The following ALK variants were observed in gnomAD, a reference collection of about 807,000 sequenced individuals.
ALK encodes the protein ALK receptor tyrosine kinase.
A neutral mutation model predicts 163.1 loss-of-function variants in ALK; 74 were observed. The ratio of observed to expected loss-of-function variants is 0.45; its 90% confidence interval spans 0.38 to 0.55. ALK has a LOEUF of 0.55. Among genes scored for constraint, ALK ranks in the 20% least tolerant of loss-of-function variants. The probability of loss-of-function intolerance (pLI) is 0.00; values close to 1 mark genes in which losing one functional copy is unlikely to be tolerated. For synonymous variants in ALK, 960 were observed against 843.2 expected, an observed-to-expected ratio of 1.14 and a Z score of -2.40; for missense variants, 2,063 against 2,105.3, an observed-to-expected ratio of 0.98 and a Z score of 0.39.
At chr2:29,891,329 A>C (rs1326491504) in intron 1 of ALK, among the ~76,000 whole-genome samples, 1 of 152,212 alleles carries the variant, frequency 6.6e-6, no homozygotes, top group Non-Finnish European at 1.5e-5. Context: ...AAGAGGTGAG[A>C]GTAGGAGAAA....
At chr2:29,531,422 A>G (rs1053163549) in intron 4 of ALK, among the ~76,000 whole-genome samples, 1 of 152,036 alleles carries the variant, frequency 6.6e-6, no homozygotes, top group Non-Finnish European at 1.5e-5. Context: ...CTCTGTTCCA[A>G]TCTCTACTGA....
intron 1 of ALK, among the ~76,000 whole-genome samples, chr2:29,807,334 C>T (rs1055929470): frequency 2.6e-5 from 4 of 152,292 alleles, no homozygotes; most frequent in African/African-American, 4.8e-5. Flanking sequence ...ATAACCATAG[C>T]GGTGTGAGTC....
intron 3 of ALK, among the ~76,000 whole-genome samples, chr2:29,630,142 A>G (rs992962519): frequency 1.3e-5 from 2 of 152,158 alleles, no homozygotes; most frequent in African/African-American, 4.8e-5. Flanking sequence ...TGGAATAAGC[A>G]CGGAGGAGGT....
chr2:29,905,008 C>T (rs1309198294), intron 1 of ALK, among the ~76,000 whole-genome samples: 1 of 152,178 alleles, frequency 6.6e-6, no homozygotes, highest in Non-Finnish European at 1.5e-5. Flanking sequence ...ATAAATGATA[C>T]ACATACACAT....
chr2:29,276,719 G>A (rs915223713), intron 9 of ALK, among the ~76,000 whole-genome samples: 2 of 152,200 alleles, frequency 1.3e-5, no homozygotes, highest in African/African-American at 4.8e-5. Flanking sequence ...AGTTAAAGAA[G>A]CCAGACAGTA....
intron 4 of ALK, among the ~76,000 whole-genome samples, chr2:29,466,743 A>G (rs1671223308): frequency 6.6e-6 from 1 of 152,248 alleles, no homozygotes; most frequent in Non-Finnish European, 1.5e-5. Flanking sequence ...TGAGGTAGAA[A>G]AAAGCTGAAG....
At chr2:29,601,690 G>A (rs1341750001) in intron 3 of ALK, among the ~76,000 whole-genome samples, 1 of 152,082 alleles carries the variant, frequency 6.6e-6, no homozygotes, top group Non-Finnish European at 1.5e-5. Flanking sequence ...AACAAAAGCA[G>A]GCAGGAAAGT....
At chr2:29,508,497 G>A (rs1304228264) in intron 4 of ALK, among the ~76,000 whole-genome samples, 1 of 152,000 alleles carries the variant, frequency 6.6e-6, no homozygotes, top group Non-Finnish European at 1.5e-5. Context: ...ATTGAACAAT[G>A]AGAACACATG....
At chr2:29,467,440 C>T (rs984028517) in intron 4 of ALK, among the ~76,000 whole-genome samples, 2 of 152,200 alleles carry the variant, frequency 1.3e-5, no homozygotes, top group Non-Finnish European at 1.5e-5. Context: ...TTTTCAGTTA[C>T]ATAAGCCAAT....
At chr2:29,340,278 T>C (rs1323463732) in intron 5 of ALK, among the ~76,000 whole-genome samples, 2 of 152,206 alleles carry the variant, frequency 1.3e-5, no homozygotes, top group Non-Finnish European at 2.9e-5. Flanking sequence ...AAACAAATTA[T>C]AGCTACTACT....
intron 3 of ALK, among the ~76,000 whole-genome samples, chr2:29,650,804 C>T (rs753165395): frequency 1.3e-5 from 2 of 152,068 alleles, no homozygotes; most frequent in South Asian, 2.1e-4. Context: ...AAAGTGTGTG[C>T]CCCCTCCCCT....
At chr2:29,456,066 A>G (rs1257407440) in intron 4 of ALK, among the ~76,000 whole-genome samples, 1 of 152,182 alleles carries the variant, frequency 6.6e-6, no homozygotes, top group African/African-American at 2.4e-5. Context: ...AAATAATGAG[A>G]GTAGTGAGTG....
At chr2:29,650,980 G>A (rs1677021012) in intron 3 of ALK, among the ~76,000 whole-genome samples, 1 of 152,152 alleles carries the variant, frequency 6.6e-6, no homozygotes, top group Admixed American at 6.5e-5. Context: ...AGAATGCAGA[G>A]TCTGCTAGTC....
chr2:29,411,000 C>T (rs1332136347), intron 4 of ALK, among the ~76,000 whole-genome samples: 1 of 152,230 alleles, frequency 6.6e-6, no homozygotes, highest in Non-Finnish European at 1.5e-5. Context: ...TAGCTTAAAA[C>T]ATAAATACGT....
intron 9 of ALK, among the ~76,000 whole-genome samples, chr2:29,294,286 G>C (rs1666119217): frequency 1.3e-5 from 2 of 152,108 alleles, no homozygotes; most frequent in Non-Finnish European, 2.9e-5. Flanking sequence ...AATGCTTTTT[G>C]CTCCTCCATC....
At chr2:29,718,042 C>A (rs1679312999) in intron 1 of ALK, among the ~76,000 whole-genome samples, 1 of 152,212 alleles carries the variant, frequency 6.6e-6, no homozygotes, top group South Asian at 2.1e-4. Flanking sequence ...TTATAGAGAA[C>A]TCCAATTCAT....
intron 1 of ALK, among the ~76,000 whole-genome samples, chr2:29,724,061 A>T (rs537107115): frequency 1.3e-5 from 2 of 152,336 alleles, no homozygotes; most frequent in South Asian, 4.1e-4. Flanking sequence ...TAATATAATA[A>T]ATATATCATA....
chr2:29,351,116 C>T (rs193262606), intron 5 of ALK, among the ~76,000 whole-genome samples: 67 of 152,292 alleles, frequency 4.4e-4, no homozygotes, highest in African/African-American at 1.3e-3. Context: ...ACATGGGACA[C>T]GTTTTCACCA....
Position 29,193,164 on chromosome 2 carries a change from CCT to C in ALK, c.*58_*59del, listed in dbSNP as rs869185071. 3 of 1,460,044 alleles carry C rather than the reference CCT, an allele frequency of 2.1e-6. No individual in the cohort carries two copies. The African/African-American group carries it at 4.3e-5, about 21-fold the overall frequency. The allele number at this position is 1,460,044 out of a possible 1,614,324, so 90.4% of individuals were successfully genotyped here. A position where few individuals can be genotyped will look rare whatever the true frequency, so the allele number is the denominator to read the frequency against. The stretch of plus-strand genomic sequence containing the variant: ...TCTCTGGTTTGTGAAGGAGCCATTG[CCT>C]CTCTCTCCTCCACGGTCTTAGGGAT... On this transcript the variant is annotated 3_prime_UTR_variant, in exon 29 of 29. Transcript: ENST00000389048.
Sources: gnomAD v4.1 joint callset for allele counts (sites outside exome capture counted in the v4.1 genomes callset) on GRCh38, gnomAD v4.1.1 for gene constraint, MANE v1.5 for transcripts, NCBI Gene and HGNC (gene_info 2026-07-23, HGNC 2026-07-21) for gene names.